PPP2R5B: variants seen among roughly 807,000 people sequenced by gnomAD.
PPP2R5B encodes protein phosphatase 2 regulatory subunit B'beta, also known as serine/threonine-protein phosphatase 2A 56 kDa regulatory subunit beta isoform.
PPP2R5B carries 19 observed loss-of-function variants against 59.9 expected under a neutral mutation model. The ratio of observed to expected loss-of-function variants is 0.32; its 90% confidence interval spans 0.22 to 0.47. The LOEUF is 0.47. PPP2R5B is among the 20% of genes least tolerant of loss of function. The probability of loss-of-function intolerance (pLI) is 1.00; values close to 1 mark genes in which losing one functional copy is unlikely to be tolerated. For missense variants in PPP2R5B, 441 were observed against 640.2 expected (o/e 0.69, Z 3.36); for synonymous variants, 286 against 260.5 (o/e 1.10, Z -0.94).
rs1288047705 is a variant in PPP2R5B, at chr11:64,933,731, T to C, written c.1381T>C (p.Trp461Arg). ...GAAGGCCCAGGAGCGTCAGGAGTTA[T>C]GGCAAGGTCTGGAGGAGCTGCGGCT... ...QQKAQERQEL[W>R]QGLEELRLRR... The change falls in exon 14 of 14, where the codon TGG becomes CGG. Residue 461 changes from tryptophan (W) to arginine (R), a missense_variant. This residue lies in a region of PPP2R5B where 70 missense variants were observed against 64.2 expected (regional missense o/e 1.09). Transcript: ENST00000164133. 3.2e-6 allele frequency: 5 copies of C among 1,557,836 alleles called. No homozygotes were observed. Among genetic ancestry groups the C allele is most frequent in the Non-Finnish European group, 4.3e-6 (5 of 1,150,338 alleles).
intron 2 of PPP2R5B, among the ~76,000 whole-genome samples, chr11:64,926,420 T>G (rs1226923373): frequency 6.6e-6 from 1 of 152,228 alleles, no homozygotes; most frequent in Non-Finnish European, 1.5e-5. Context: ...GCAGCAGCTG[T>G]TTGGGGCACC....
chr11:64,926,737 G>A lies in PPP2R5B; in HGVS notation c.225G>A (p.Glu75=), dbSNP rs140140368. The A allele has an allele frequency of 1.3e-4, 210 of 1,614,168 alleles. 1 individual carries two copies. Among genetic ancestry groups the A allele is most frequent in the Middle Eastern group, 1.2e-3 (7 of 6,062 alleles). The change falls in exon 3 of 14, where the codon GAG becomes GAA. Residue 75 remains glutamate (E), a synonymous_variant. Transcript: ENST00000164133. ...ATGTGCCGGCTTCCGAGCTGCACGA[G>A]CTGCTGAGCCGGAAGCTGGCCCAGT... ...LKDVPASELH[E]LLSRKLAQCG...
chr11:64,918,372 CTTTTT>C (rs1565091185), intron 1 of PPP2R5B: 2 of 151,068 alleles, frequency 1.3e-5, no homozygotes, highest in African/African-American at 4.9e-5. Context: ...CTTTTCTTTT[CTTTTT>C]GAGACAGACT....
Position 64,933,181 on chromosome 11 carries a change from C to A in PPP2R5B, c.1281C>A (p.Thr427=). Residue 427 remains threonine (T), a synonymous_variant, in exon 13 of 14, where the codon ACC becomes ACA. Coordinates refer to ENST00000164133, the MANE Select transcript of PPP2R5B (RefSeq NM_006244.4). The stretch of plus-strand genomic sequence containing the variant: ...CACTGATCTACAATGTGCTCAAGAC[C>A]TTCATGGAGATGAATGGGAAGCTGT... ...IVSLIYNVLK[T]FMEMNGKLFD... is the part of the protein sequence containing the mutation. The A allele has an allele frequency of 6.2e-7, 1 of 1,613,398 alleles. No homozygotes were observed. Among genetic ancestry groups the A allele is most frequent in the Non-Finnish European group, 8.5e-7 (1 of 1,179,460 alleles).
At chr11:64,921,959 A>G (rs1431344923), upstream of PPP2R5B, among the ~76,000 whole-genome samples, 1 of 152,180 alleles carries the variant, frequency 6.6e-6, no homozygotes, top group Non-Finnish European at 1.5e-5. Flanking sequence ...TCACACCTGT[A>G]GTCCCAGCAC....
chr11:64,923,935 G>C (rs1261430809), upstream of PPP2R5B, among the ~76,000 whole-genome samples: 1 of 152,160 alleles, frequency 6.6e-6, no homozygotes, highest in African/African-American at 2.4e-5. Context: ...CCTGTGCCTT[G>C]CATGCCAGCA....
At position 64,926,821 on chromosome 11, in the gene PPP2R5B, G is replaced by A. The variant is rs1945169443; in HGVS notation, c.309G>A (p.Lys103=). The A allele has an allele frequency of 1.2e-6, 2 of 1,614,212 alleles. No homozygotes were observed. The highest frequency in any genetic ancestry group is 1.7e-6 in the Non-Finnish European group (2 of 1,180,030). The stretch of plus-strand genomic sequence containing the variant: ...CCGACCTCAAGGGGAAGGAGGTGAA[G>A]CGGGCAGCCCTCAACGAGCTGGTGG... ...CVADLKGKEV[K]RAALNELVEC... is the part of the protein sequence containing the mutation. The change falls in exon 3 of 14, where the codon AAG becomes AAA. Residue 103 remains lysine (K), a synonymous_variant. Coordinates refer to ENST00000164133, the MANE Select transcript of PPP2R5B (RefSeq NM_006244.4).
At chr11:64,926,651 C>T in intron 2 of PPP2R5B, 61 bp from the exon 3 acceptor site, 1 of 1,572,092 alleles carries the variant, frequency 6.4e-7, no homozygotes, top group South Asian at 1.1e-5. Flanking sequence ...GTCTGCCCCA[C>T]CCACAGCTGG....
rs368518644 is a variant in PPP2R5B, at chr11:64,931,657, C to T, written c.996+48C>T. The T allele has an allele frequency of 8.7e-6, 14 of 1,613,392 alleles. No homozygotes were observed. Among genetic ancestry groups the T allele is most frequent in the African/African-American group, 8.0e-5 (6 of 74,914 alleles). On this transcript the variant is annotated intron_variant, in intron 10 of 13. Coordinates refer to ENST00000164133, the MANE Select transcript of PPP2R5B (RefSeq NM_006244.4). The surrounding 1 kb of genome is among the most constrained non-coding windows in gnomAD (Gnocchi z 5.0). Reference sequence around the variant, plus strand: ...CCGCCAGAGGGAGGCTGGGAGGGCTCGGCCTCTAGAAGGCAGTCAGGTGTG... The same window carrying T: ...CCGCCAGAGGGAGGCTGGGAGGGCTTGGCCTCTAGAAGGCAGTCAGGTGTG...
chr11:64,930,392 C>T lies in PPP2R5B; in HGVS notation c.782+11C>T, dbSNP rs202212787. On this transcript the variant is annotated intron_variant, in intron 7 of 13. Transcript: ENST00000164133. Reference sequence around the variant, plus strand: ...GGAGATCCTAGGAAGGTGATTCTCCCTGGGCCTCAGCTGGAGCTCAGGATT... The same window carrying T: ...GGAGATCCTAGGAAGGTGATTCTCCTTGGGCCTCAGCTGGAGCTCAGGATT... 596 of 1,613,942 alleles carry T rather than the reference C, an allele frequency of 3.7e-4. No individual in the cohort carries two copies. The highest frequency in any genetic ancestry group is 4.7e-4 in the Non-Finnish European group (558 of 1,179,948).
rs770486698 is a variant in PPP2R5B, at chr11:64,925,902, G to A, written c.168G>A (p.Gln56=). ...SSSQFRYQSN[Q]QELTPLPLLK... is the part of the protein sequence containing the mutation. Reference sequence around the variant, plus strand: ...CTCAGTTCCGCTATCAGAGCAACCAGCAAGAGCTCACACCGCTGCCCCTGC... The same window carrying A: ...CTCAGTTCCGCTATCAGAGCAACCAACAAGAGCTCACACCGCTGCCCCTGC... Residue 56 remains glutamine, a synonymous_variant, in exon 2 of 14, where the codon CAG becomes CAA. Transcript: ENST00000164133. This position sits in a 1 kb window ranked among gnomAD's most constrained non-coding sequence, Gnocchi z 4.6. 3.2e-5 allele frequency: 51 copies of A among 1,611,896 alleles called. No individual in the cohort carries two copies. The highest frequency in any genetic ancestry group is 3.6e-5 in the Non-Finnish European group (43 of 1,179,902).
At chr11:64,933,609 G>A in intron 13 of PPP2R5B, 88 bp from the exon 14 acceptor site, 4 of 1,436,938 alleles carry the variant, frequency 2.8e-6, no homozygotes, top group Non-Finnish European at 3.7e-6. Flanking sequence ...CTTTGCCGGT[G>A]GGGTGGTAGT....
upstream of PPP2R5B, among the ~76,000 whole-genome samples, chr11:64,923,364 T>G (rs1243614622): frequency 6.6e-6 from 1 of 152,110 alleles, no homozygotes; most frequent in Non-Finnish European, 1.5e-5. Flanking sequence ...TCCCTCAGCT[T>G]GTTCAGGGAT....
In PPP2R5B at chr11:64,934,400, A is replaced by C; in HGVS notation, c.*556A>C. ...AAGAGATTCACAGTGTCCTGGGGTA[A>C]GGGGGGGTTCACAGTAATCATGGTC... On this transcript the variant is annotated 3_prime_UTR_variant, in exon 14 of 14. Transcript: ENST00000164133. 1 of 349,270 alleles carries C rather than the reference A, an allele frequency of 2.9e-6. No individual in the cohort carries two copies. Among genetic ancestry groups the C allele is most frequent in the Non-Finnish European group, 5.4e-6 (1 of 185,016 alleles). The allele number at this position is 349,270 out of a possible 1,614,324, so 21.6% of individuals were successfully genotyped here.
intron 2 of PPP2R5B, among the ~76,000 whole-genome samples, chr11:64,926,325 C>T (rs1275735675): frequency 6.6e-6 from 1 of 152,250 alleles, no homozygotes; most frequent in African/African-American, 2.4e-5. Context: ...CCAGACTGGC[C>T]AAGCCTGAGG....
Position 64,931,329 on chromosome 11 carries a change from C to A in PPP2R5B, c.892-107C>A. The stretch of plus-strand genomic sequence containing the variant: ...AAATGCTTGGTGAATAAGAAAGTAA[C>A]AGGCCGTGGGTGAGCAGTATTTGGC... On this transcript the variant is annotated intron_variant, in intron 8 of 13. Transcript: ENST00000164133. The surrounding 1 kb of genome is among the most constrained non-coding windows in gnomAD (Gnocchi z 5.0). The A allele has an allele frequency of 8.2e-7, 1 of 1,220,408 alleles. No homozygotes were observed. The highest frequency in any genetic ancestry group is 1.2e-6 in the Non-Finnish European group (1 of 846,926). The allele number at this position is 1,220,408 out of a possible 1,614,324, so 75.6% of individuals were successfully genotyped here.
chr11:64,920,326 G>A (rs760021551), upstream of PPP2R5B, among the ~76,000 whole-genome samples: 7 of 152,138 alleles, frequency 4.6e-5, no homozygotes, highest in South Asian at 8.3e-4. Flanking sequence ...GGGCACATCC[G>A]TCTCTTAGGG....
chr11:64,922,769 G>A (rs646852), upstream of PPP2R5B, among the ~76,000 whole-genome samples: 143,792 of 151,326 alleles, frequency 0.95, 68,741 homozygotes, highest in East Asian at 1. Context: ...CAGCTATTCG[G>A]GAGGCTGAGG....
At chr11:64,927,978 C>A (rs1945186693) in intron 4 of PPP2R5B, 75 bp downstream of exon 4, 1 of 1,567,072 alleles carries the variant, frequency 6.4e-7, no homozygotes. Flanking sequence ...CCTCCTTAGC[C>A]CCTAGACAGT....
Sources: gnomAD v4.1 joint callset for allele counts (sites outside exome capture counted in the v4.1 genomes callset) on GRCh38, gnomAD v4.1.1 for gene constraint, gnomAD v4.1.1 regional missense constraint, Gnocchi (gnomAD v3.1) non-coding constraint, MANE v1.5 for transcripts, NCBI Gene and HGNC (gene_info 2026-07-23, HGNC 2026-07-21) for gene names.